The following DOK5 variants were observed in gnomAD, a reference collection of about 807,000 sequenced individuals.
DOK5 encodes the protein downstream of tyrosine kinase 5.
DOK5 carries 27 observed loss-of-function variants against 43.3 expected under a neutral mutation model. The observed-to-expected ratio is 0.62, with a 90% CI of 0.46 to 0.86. The LOEUF (loss-of-function observed/expected upper bound fraction) is 0.86. DOK5 is among the 40% of genes least tolerant of loss of function. DOK5 has a pLI of 0.00. For missense variants in DOK5, 373 were observed against 392.9 expected, an observed-to-expected ratio of 0.95 and a Z score of 0.43; for synonymous variants, 146 against 140.1, an observed-to-expected ratio of 1.04 and a Z score of -0.30.
intron 1 of DOK5, among the ~76,000 whole-genome samples, chr20:54,487,388 T>C (rs546197297): frequency 6.6e-6 from 1 of 152,246 alleles, no homozygotes; most frequent in African/African-American, 2.4e-5. Flanking sequence ...TCTCAAGTGA[T>C]ACTGGTTTCC....
chr20:54,562,533 C>T (rs1401296860), intron 2 of DOK5, among the ~76,000 whole-genome samples: 1 of 152,164 alleles, frequency 6.6e-6, no homozygotes, highest in East Asian at 1.9e-4. Context: ...GTCCTCCCAC[C>T]TCAGCCTCCT....
intron 2 of DOK5, among the ~76,000 whole-genome samples, chr20:54,586,082 G>A (rs970794366): frequency 7.9e-5 from 12 of 152,142 alleles, no homozygotes; most frequent in Admixed American, 7.2e-4. Context: ...TGAGATCAGC[G>A]TGGGCAACAG....
At chr20:54,502,169 T>C (rs1230411347) in intron 1 of DOK5, among the ~76,000 whole-genome samples, 1 of 152,226 alleles carries the variant, frequency 6.6e-6, no homozygotes, top group Non-Finnish European at 1.5e-5. Flanking sequence ...TGAGACCAAT[T>C]TAATAACCAT....
At chr20:54,612,505 T>C (rs145923752) in intron 6 of DOK5, among the ~76,000 whole-genome samples, 2 of 152,310 alleles carry the variant, frequency 1.3e-5, no homozygotes, top group East Asian at 3.9e-4. Context: ...AAATGATAGA[T>C]TGAGTAAAGC....
At chr20:54,599,371 G>T (rs1432558436) in intron 5 of DOK5, among the ~76,000 whole-genome samples, 1 of 152,170 alleles carries the variant, frequency 6.6e-6, no homozygotes, top group African/African-American at 2.4e-5. Context: ...CAAAGATAAT[G>T]CACACATTAT....
intron 6 of DOK5, among the ~76,000 whole-genome samples, chr20:54,614,449 A>G (rs903671757): frequency 6.6e-6 from 1 of 152,158 alleles, no homozygotes; most frequent in Admixed American, 6.5e-5. Context: ...CGGCTATTCC[A>G]TTAGATCCCT....
At chr20:54,565,130 G>T (rs1985050545) in intron 2 of DOK5, among the ~76,000 whole-genome samples, 2 of 152,018 alleles carry the variant, frequency 1.3e-5, no homozygotes, top group Admixed American at 1.3e-4. Flanking sequence ...TTATGTGTGG[G>T]GGATACATTC....
intron 1 of DOK5, among the ~76,000 whole-genome samples, chr20:54,552,790 G>A (rs112620685): frequency 0.011 from 1,750 of 152,296 alleles, 32 homozygotes; most frequent in African/African-American, 0.036. Flanking sequence ...TCGGAGTAGA[G>A]TGGATTTCGT....
intron 2 of DOK5, among the ~76,000 whole-genome samples, chr20:54,585,223 G>A (rs771086236): frequency 6.6e-6 from 1 of 151,940 alleles, no homozygotes; most frequent in Non-Finnish European, 1.5e-5. Context: ...GACAGAGACC[G>A]TTGCTTTAAA....
intron 1 of DOK5, among the ~76,000 whole-genome samples, chr20:54,507,311 G>T (rs1309785031): frequency 2.0e-5 from 3 of 152,014 alleles, no homozygotes; most frequent in African/African-American, 7.3e-5. Flanking sequence ...ATAATTAGAG[G>T]CCACATGTGA....
intron 5 of DOK5, among the ~76,000 whole-genome samples, chr20:54,600,952 C>T (rs145122853): frequency 8.5e-5 from 13 of 152,168 alleles, no homozygotes; most frequent in East Asian, 7.7e-4. Flanking sequence ...AAACCAGTTA[C>T]GGGGTATTGT....
chr20:54,641,860 T>A (rs1979134255), intron 6 of DOK5, among the ~76,000 whole-genome samples: 1 of 152,194 alleles, frequency 6.6e-6, no homozygotes, highest in Non-Finnish European at 1.5e-5. Context: ...GGGAGGATAC[T>A]TAAATAGCCG....
At chr20:54,529,555 A>C (rs1203251781) in intron 1 of DOK5, among the ~76,000 whole-genome samples, 1 of 152,004 alleles carries the variant, frequency 6.6e-6, no homozygotes, top group African/African-American at 2.4e-5. Flanking sequence ...AAAAAAAAAC[A>C]GCATTATTGG....
chr20:54,512,267 A>C (rs1318942725), intron 1 of DOK5, among the ~76,000 whole-genome samples: 1 of 152,242 alleles, frequency 6.6e-6, no homozygotes, highest in Non-Finnish European at 1.5e-5. Context: ...ATAAAGAATT[A>C]TCCTTCTCAA....
At chr20:54,551,048 T>C (rs1984513182) in intron 1 of DOK5, among the ~76,000 whole-genome samples, 1 of 152,206 alleles carries the variant, frequency 6.6e-6, no homozygotes, top group African/African-American at 2.4e-5. Flanking sequence ...TTCCACATCC[T>C]TGTCTGCATT....
chr20:54,497,231 A>C (rs1200553361), intron 1 of DOK5, among the ~76,000 whole-genome samples: 1 of 152,220 alleles, frequency 6.6e-6, no homozygotes, highest in Non-Finnish European at 1.5e-5. Flanking sequence ...TGGATTCCTG[A>C]GCCCTGGAAC....
intron 1 of DOK5, among the ~76,000 whole-genome samples, chr20:54,487,780 A>C (rs534146014): frequency 2.0e-5 from 3 of 152,260 alleles, no homozygotes; most frequent in East Asian, 1.9e-4. Flanking sequence ...CTCACCCCCC[A>C]AAAACTGTAC....
intron 2 of DOK5, among the ~76,000 whole-genome samples, chr20:54,563,356 G>T (rs556620048): frequency 3.3e-5 from 5 of 152,286 alleles, no homozygotes; most frequent in Admixed American, 2.6e-4. Context: ...AACTCTCAAT[G>T]ATGTGTTTAT....
chr20:54,556,581 G>A (rs1001439301), intron 2 of DOK5, among the ~76,000 whole-genome samples: 7 of 152,178 alleles, frequency 4.6e-5, no homozygotes, highest in Non-Finnish European at 1.0e-4. Flanking sequence ...ACAAGATGGC[G>A]AGCAATGCTA....
Sources: gnomAD v4.1 joint callset for allele counts (sites outside exome capture counted in the v4.1 genomes callset) on GRCh38, gnomAD v4.1.1 for gene constraint, MANE v1.5 for transcripts, NCBI Gene and HGNC (gene_info 2026-07-23, HGNC 2026-07-21) for gene names.